Variants in MTG2 observed in about 807,000 individuals in gnomAD.
The protein encoded by MTG2 is mitochondrial ribosome associated GTPase 2.
A neutral mutation model predicts 28.6 loss-of-function variants in MTG2; 23 were observed. The ratio of observed to expected loss-of-function variants is 0.80; its 90% confidence interval spans 0.58 to 1.14. MTG2 has a LOEUF of 1.14. Among genes scored for constraint, MTG2 ranks in the 50% most tolerant of loss-of-function variants. The pLI is 0.00. For missense variants in MTG2, 539 were observed against 552.0 expected, an observed-to-expected ratio of 0.98 and a Z score of 0.24; for synonymous variants, 260 against 251.8, an observed-to-expected ratio of 1.03 and a Z score of -0.31.
intron 1 of MTG2, among the ~76,000 whole-genome samples, chr20:62,183,313 C>T (rs746004159): frequency 4.6e-5 from 7 of 152,210 alleles, no homozygotes; most frequent in Non-Finnish European, 8.8e-5. Context: ...ACTCTCTCCG[C>T]AGAACCGCGT....
Position 62,193,511 on chromosome 20 carries a change from C to A in MTG2, c.91C>A (p.Pro31Thr). ...TTTGTCCACATGGGCTGGCCTGAAG[C>A]CCAGCCGGCTACTGCCACAGCGGGC... The part of the protein sequence containing the change: ...WALSTWAGLK[P>T]SRLLPQRASP... The change falls in exon 2 of 7, where the codon CCC becomes ACC. Residue 31 changes from proline (P) to threonine (T), a missense_variant. Transcript: ENST00000370823. 1.2e-6 allele frequency: 2 copies of A among 1,614,092 alleles called. No homozygotes were observed. The highest frequency in any genetic ancestry group is 1.7e-6 in the Non-Finnish European group (2 of 1,180,026).
intron 1 of MTG2, among the ~76,000 whole-genome samples, chr20:62,186,074 T>C (rs2057838309): frequency 6.6e-6 from 1 of 152,144 alleles, no homozygotes; most frequent in South Asian, 2.1e-4. Context: ...ATATCCGGGC[T>C]GGATGGTGTA....
intron 1 of MTG2, among the ~76,000 whole-genome samples, chr20:62,193,086 A>G (rs2057992002): frequency 6.6e-6 from 1 of 152,212 alleles, no homozygotes; most frequent in African/African-American, 2.4e-5. Flanking sequence ...AGAAATTTTG[A>G]CTTGCACTTC....
chr20:62,188,350 C>T (rs950892410), intron 1 of MTG2, among the ~76,000 whole-genome samples: 3 of 151,760 alleles, frequency 2.0e-5, no homozygotes, highest in Admixed American at 1.3e-4. Context: ...TACTTCCCCC[C>T]AGCCCCACCA....
chr20:62,193,672 G>T, intron 2 of MTG2, 48 bp downstream of exon 2: 2 of 1,537,600 alleles, frequency 1.3e-6, no homozygotes, highest in Non-Finnish European at 8.8e-7. Flanking sequence ...TCCTCAGAAG[G>T]CACAGGGTGT....
At position 62,195,931 on chromosome 20, in the gene MTG2, G is replaced by A; in HGVS notation, c.334G>A (p.Gly112Arg). The A allele has an allele frequency of 6.2e-7, 1 of 1,614,164 alleles. No homozygotes were observed. Among genetic ancestry groups the A allele is most frequent in the Non-Finnish European group, 8.5e-7 (1 of 1,180,022 alleles). Residue 112 changes from glycine to arginine, a missense_variant, in exon 3 of 7, where the codon GGA becomes AGA. Transcript: ENST00000370823. Reference protein sequence around the residue: ...GPDGGDGGNGGHVILRVDQQV... With the variant: ...GPDGGDGGNGRHVILRVDQQV... ...TGATGGAGGGGACGGAGGCAACGGT[G>A]GACACGTCATTCTGAGAGGCAGGTG...
chr20:62,184,228 G>T (rs971406082), intron 1 of MTG2, among the ~76,000 whole-genome samples: 11 of 152,268 alleles, frequency 7.2e-5, no homozygotes, highest in African/African-American at 9.6e-5. Context: ...CGTGGTGGCA[G>T]GCGCCTGTAA....
At chr20:62,191,744 G>A (rs565272217) in intron 1 of MTG2, among the ~76,000 whole-genome samples, 32 of 152,276 alleles carry the variant, frequency 2.1e-4, no homozygotes, top group African/African-American at 6.7e-4. Flanking sequence ...ACCTTGTAAG[G>A]TCCCTCCTGT....
At chr20:62,199,091 G>A (rs184536497) in intron 5 of MTG2, 28 bp from the exon 6 acceptor site, 18 of 1,612,648 alleles carry the variant, frequency 1.1e-5, no homozygotes, top group East Asian at 6.7e-5. Flanking sequence ...GCCGCGGGCC[G>A]TGCCACCGTC....
intron 1 of MTG2, among the ~76,000 whole-genome samples, 165 bp downstream of exon 1, chr20:62,183,222 C>A (rs2057758086): frequency 1.3e-5 from 2 of 152,160 alleles, no homozygotes; most frequent in African/African-American, 4.8e-5. Context: ...CTGCGAACCC[C>A]GGCGGGACCG....
chr20:62,195,658 G>T (rs939060258), intron 2 of MTG2, 144 bp from the exon 3 acceptor site: 15 of 976,516 alleles, frequency 1.5e-5, no homozygotes, highest in Non-Finnish European at 2.1e-5. Context: ...TCGGAATTTA[G>T]AAGTGATTAG....
intron 1 of MTG2, among the ~76,000 whole-genome samples, chr20:62,189,385 T>C (rs2057911063): frequency 6.6e-6 from 1 of 152,050 alleles, no homozygotes; most frequent in African/African-American, 2.4e-5. Flanking sequence ...TCATAGCTCA[T>C]AGCAGCTTTG....
intron 1 of MTG2, among the ~76,000 whole-genome samples, chr20:62,189,105 T>G (rs2057904736): frequency 2.0e-5 from 3 of 152,156 alleles, no homozygotes; most frequent in South Asian, 2.1e-4. Flanking sequence ...GAAGGATCGC[T>G]TGAGACCAGC....
rs531901446 is a variant in MTG2, at chr20:62,198,520, C to G, written c.469-114C>G. On this transcript the variant is annotated intron_variant, in intron 4 of 6. Transcript: ENST00000370823. ...GAGGTGAGTGGGGCGGGCAGCTGCCCGGGGCACAGTCCGCTCTTGTCTTCT... is the reference window on the plus strand; with the variant it reads ...GAGGTGAGTGGGGCGGGCAGCTGCCGGGGGCACAGTCCGCTCTTGTCTTCT... 7.7e-6 allele frequency: 9 copies of G among 1,169,558 alleles called. No homozygotes were observed. The Admixed American group carries it at 8.1e-5, about 11-fold the overall frequency. The allele number at this position is 1,169,558 out of a possible 1,614,324, so 72.4% of individuals were successfully genotyped here. A position where few individuals can be genotyped will look rare whatever the true frequency, so the allele number is the denominator to read the frequency against.
In MTG2 at chr20:62,199,392, C is replaced by A. The variant is rs1024200400; in HGVS notation, c.826+135C>A. The A allele has an allele frequency of 2.6e-6, 3 of 1,137,294 alleles. No homozygotes were observed. The African/African-American group carries it at 4.7e-5, about 18-fold the overall frequency. 70.5% of individuals were successfully genotyped at this position (1,137,294 alleles called of 1,614,324 possible). On this transcript the variant is annotated intron_variant, in intron 6 of 6. Coordinates refer to ENST00000370823, the MANE Select transcript of MTG2 (RefSeq NM_015666.4). ...CAGGCGTGGTGGCTCACACCTGTAA[C>A]CCCAGCACTTTGGGAGGCCGAGGCA...
At chr20:62,190,989 G>C (rs1439581397) in intron 1 of MTG2, among the ~76,000 whole-genome samples, 1 of 152,082 alleles carries the variant, frequency 6.6e-6, no homozygotes, top group Admixed American at 6.5e-5. Context: ...CGGGGAGGTG[G>C]AGCTGAGGGC....
At chr20:62,189,962 C>G (rs1199709765) in intron 1 of MTG2, among the ~76,000 whole-genome samples, 1 of 152,162 alleles carries the variant, frequency 6.6e-6, no homozygotes, top group Non-Finnish European at 1.5e-5. Flanking sequence ...CGCGCCCAGC[C>G]AACATTAACA....
At chr20:62,188,220 C>T (rs781194938) in intron 1 of MTG2, among the ~76,000 whole-genome samples, 2 of 151,568 alleles carry the variant, frequency 1.3e-5, no homozygotes, top group South Asian at 2.1e-4. Context: ...TCTTCTTTGG[C>T]CTATGGATTA....
chr20:62,184,233 C>A (rs2057791047), intron 1 of MTG2, among the ~76,000 whole-genome samples: 1 of 152,156 alleles, frequency 6.6e-6, no homozygotes, highest in Non-Finnish European at 1.5e-5. Flanking sequence ...TGGCAGGCGC[C>A]TGTAATCCCA....
Sources: gnomAD v4.1 joint callset for allele counts (sites outside exome capture counted in the v4.1 genomes callset) on GRCh38, gnomAD v4.1.1 for gene constraint, MANE v1.5 for transcripts, NCBI Gene and HGNC (gene_info 2026-07-23, HGNC 2026-07-21) for gene names.